IMMP2L: variants seen among roughly 807,000 people sequenced by gnomAD.
IMMP2L encodes inner mitochondrial membrane peptidase subunit 2, also known as mitochondrial inner membrane protease subunit 2.
In IMMP2L, 18 loss-of-function variants were observed where a neutral mutation model predicts 19.3. The ratio of observed to expected loss-of-function variants is 0.93; its 90% CI spans 0.64 to 1.38. IMMP2L has a LOEUF of 1.38. Ranked by LOEUF, IMMP2L falls within the 40% of genes most tolerant of loss-of-function variation. The pLI, the probability that IMMP2L is intolerant of heterozygous loss-of-function variation, is 0.00. For synonymous variants in IMMP2L, 76 were observed against 73.0 expected (o/e 1.04, Z -0.21); for missense variants, 233 against 218.2 (o/e 1.07, Z -0.43).
At chr7:111,060,996 C>A (rs571975420) in intron 3 of IMMP2L, among the ~76,000 whole-genome samples, 1 of 152,280 alleles carries the variant, frequency 6.6e-6, no homozygotes, top group East Asian at 1.9e-4. Context: ...TTTCTATAAT[C>A]TTTTATGCAT....
chr7:111,317,899 TG>T (rs1287209169), intron 3 of IMMP2L, among the ~76,000 whole-genome samples: 1 of 152,162 alleles, frequency 6.6e-6, no homozygotes, highest in Admixed American at 6.6e-5. Context: ...CAATAAAATT[TG>T]TTATAGATTC....
chr7:111,062,552 A>C (rs1169080845), intron 3 of IMMP2L, among the ~76,000 whole-genome samples: 3 of 152,164 alleles, frequency 2.0e-5, no homozygotes, highest in Non-Finnish European at 2.9e-5. Flanking sequence ...TCATTTCAGC[A>C]CTAACTTAAA....
intron 4 of IMMP2L, among the ~76,000 whole-genome samples, chr7:110,949,908 A>C (rs1264287590): frequency 6.6e-6 from 1 of 152,170 alleles, no homozygotes; most frequent in East Asian, 1.9e-4. Flanking sequence ...TATGCAATAT[A>C]CCCATGTAAG....
chr7:111,188,682 T>C (rs1293747743), intron 3 of IMMP2L, among the ~76,000 whole-genome samples: 1 of 152,102 alleles, frequency 6.6e-6, no homozygotes, highest in Non-Finnish European at 1.5e-5. Flanking sequence ...AGTTAATTTC[T>C]TGTACTTGCT....
chr7:111,322,912 A>G (rs1265693988), intron 3 of IMMP2L, among the ~76,000 whole-genome samples: 1 of 151,900 alleles, frequency 6.6e-6, no homozygotes, highest in Non-Finnish European at 1.5e-5. Flanking sequence ...TGTTCATAGC[A>G]TTAAATACTT....
At chr7:111,357,185 A>G (rs926343266) in intron 3 of IMMP2L, among the ~76,000 whole-genome samples, 2 of 152,192 alleles carry the variant, frequency 1.3e-5, no homozygotes, top group Non-Finnish European at 2.9e-5. Context: ...TTGGCTAAAT[A>G]CACACATCTG....
chr7:111,487,058 G>A (rs1478403690), intron 3 of IMMP2L, among the ~76,000 whole-genome samples, 180 bp downstream of exon 3: 1 of 151,834 alleles, frequency 6.6e-6, no homozygotes, highest in Admixed American at 6.6e-5. Context: ...TATTTTAAAT[G>A]CAAAAAATTC....
chr7:111,143,225 T>C (rs1416140005), intron 3 of IMMP2L, among the ~76,000 whole-genome samples: 1 of 152,212 alleles, frequency 6.6e-6, no homozygotes, highest in African/African-American at 2.4e-5. Context: ...ATAATTATGA[T>C]ACTGTATAAA....
chr7:111,123,009 C>A lies in IMMP2L; in HGVS notation c.240-159444G>T. Reference sequence around the variant, plus strand: ...CACAGATTCTTCTCCTACAGACTAACAATATTGCAAAAATTGAATACTCCA... The same window carrying A: ...CACAGATTCTTCTCCTACAGACTAAAAATATTGCAAAAATTGAATACTCCA... On this transcript the variant is annotated intron_variant, in intron 3 of 5. Transcript: ENST00000405709. This position sits in a 1 kb window ranked among gnomAD's most constrained non-coding sequence, Gnocchi z 6.4. 6.2e-7 allele frequency: 1 copy of A among 1,613,918 alleles called. No individual in the cohort carries two copies. Among genetic ancestry groups the A allele is most frequent in the African/African-American group, 1.3e-5 (1 of 75,036 alleles).
At chr7:111,346,070 T>C (rs1827509204) in intron 3 of IMMP2L, among the ~76,000 whole-genome samples, 1 of 152,186 alleles carries the variant, frequency 6.6e-6, no homozygotes, top group South Asian at 2.1e-4. Flanking sequence ...CACTCTCTTC[T>C]AAATATGTTG....
chr7:110,963,654 T>C lies in IMMP2L; in HGVS notation c.240-89A>G, dbSNP rs1819211684. The C allele has an allele frequency of 5.6e-6, 4 of 712,836 alleles. No individual in the cohort carries two copies. In the South Asian group the frequency reaches 8.7e-5, roughly 15 times the overall value. 44.2% of individuals were successfully genotyped at this position (712,836 alleles called of 1,614,324 possible). A position where few individuals can be genotyped will look rare whatever the true frequency, so the allele number is the denominator to read the frequency against. On this transcript the variant is annotated intron_variant, in intron 3 of 5. Transcript: ENST00000405709. ...AAATTCTATAACAAAATAGGCTATATTAAAGTCTTTACAGATTCCTTTGCA... is the reference window on the plus strand; with the variant it reads ...AAATTCTATAACAAAATAGGCTATACTAAAGTCTTTACAGATTCCTTTGCA...
chr7:110,953,543 C>T (rs183872562), intron 4 of IMMP2L, among the ~76,000 whole-genome samples: 11 of 152,128 alleles, frequency 7.2e-5, no homozygotes, highest in Non-Finnish European at 1.6e-4. Flanking sequence ...GTATATGTGC[C>T]ACATTTTCTT....
chr7:111,007,699 A>T lies in IMMP2L; in HGVS notation c.240-44134T>A, dbSNP rs1022672400. ...TATGTACACATATAGACATGCATGT[A>T]TGTCTGTGCATACATACTTATATAT... On this transcript the variant is annotated intron_variant, in intron 3 of 5. Transcript: ENST00000405709. Among the ~76,000 whole-genome samples the T allele has an allele frequency of 6.6e-5, 10 of 152,128 alleles. No homozygotes were observed. The South Asian group carries it at 2.1e-3, about 32-fold the overall frequency.
In IMMP2L at chr7:110,965,066, T is replaced by A. The variant is rs1480573054; in HGVS notation, c.240-1501A>T. Reference sequence around the variant, plus strand: ...GTGAGATAATAAACGTTTGTTGTTTTAAGATGCTAGACATTGGGGTAATTT... The same window carrying A: ...GTGAGATAATAAACGTTTGTTGTTTAAAGATGCTAGACATTGGGGTAATTT... On this transcript the variant is annotated intron_variant, in intron 3 of 5. Transcript: ENST00000405709. Among the ~76,000 whole-genome samples the A allele has an allele frequency of 2.6e-5, 4 of 152,076 alleles. No homozygotes were observed. The South Asian group carries it at 6.2e-4, about 24-fold the overall frequency.
At chr7:110,900,763 A>G (rs1437386795) in intron 4 of IMMP2L, among the ~76,000 whole-genome samples, 1 of 152,122 alleles carries the variant, frequency 6.6e-6, no homozygotes, top group East Asian at 1.9e-4. Context: ...GGTAGCATCC[A>G]TTTTGCTATT....
intron 2 of IMMP2L, among the ~76,000 whole-genome samples, chr7:111,491,398 C>A (rs1180939843): frequency 6.6e-6 from 1 of 151,994 alleles, no homozygotes; most frequent in African/African-American, 2.4e-5. Flanking sequence ...AACTGCGCTA[C>A]CTTATTTGGT....
At chr7:111,375,035 G>C (rs1341447722) in intron 3 of IMMP2L, among the ~76,000 whole-genome samples, 1 of 151,946 alleles carries the variant, frequency 6.6e-6, no homozygotes, top group Admixed American at 6.6e-5. Context: ...CATAGCGGGG[G>C]GTCTTATACT....
chr7:110,934,384 T>G (rs573397440), intron 4 of IMMP2L, among the ~76,000 whole-genome samples: 2 of 152,312 alleles, frequency 1.3e-5, no homozygotes, highest in Non-Finnish European at 2.9e-5. Context: ...GTTCAAGTCC[T>G]GAATATCATT....
chr7:111,513,540 T>C (rs1845633825), intron 2 of IMMP2L, among the ~76,000 whole-genome samples: 1 of 151,972 alleles, frequency 6.6e-6, no homozygotes, highest in South Asian at 2.1e-4. Flanking sequence ...TTATGAAAAA[T>C]AGGGATATAT....
Sources: gnomAD v4.1 joint callset for allele counts (sites outside exome capture counted in the v4.1 genomes callset) on GRCh38, gnomAD v4.1.1 for gene constraint, Gnocchi (gnomAD v3.1) non-coding constraint, MANE v1.5 for transcripts, NCBI Gene and HGNC (gene_info 2026-07-23, HGNC 2026-07-21) for gene names.